TXNDC5: variants seen among roughly 807,000 people sequenced by gnomAD.
TXNDC5 encodes the protein thioredoxin domain containing 5.
A neutral mutation model predicts 52.6 loss-of-function variants in TXNDC5; 44 were observed. The ratio of observed to expected loss-of-function variants is 0.84; its 90% confidence interval spans 0.66 to 1.08. The LOEUF is 1.08. Ranked by LOEUF, TXNDC5 falls within the 50% of genes least tolerant of loss-of-function variation. The pLI, the probability that TXNDC5 is intolerant of heterozygous loss-of-function variation, is 0.00. For missense variants in TXNDC5, 600 were observed against 565.5 expected, an observed-to-expected ratio of 1.06 and a Z score of -0.62; for synonymous variants, 241 against 234.4, an observed-to-expected ratio of 1.03 and a Z score of -0.26.
In TXNDC5 at chr6:7,888,743, C is replaced by G; in HGVS notation, c.925G>C (p.Glu309Gln). The stretch of plus-strand genomic sequence containing the variant: ...GGCTCAGCTGCCAGCACCGGGGCCT[C>G]TGAGGGCGTGACGGTCTCCGTCGCT... ...TGATETVTPS[E>Q]APVLAAEPEA... is the part of the protein sequence containing the mutation. Residue 309 changes from glutamate to glutamine, a missense_variant, in exon 7 of 10, where the codon GAG becomes CAG. By Grantham distance (29) the Glu-to-Gln change is conservative. Coordinates refer to ENST00000379757, the MANE Select transcript of TXNDC5 (RefSeq NM_030810.5). 6.2e-7 allele frequency: 1 copy of G among 1,613,872 alleles called. No homozygotes were observed. Among genetic ancestry groups the G allele is most frequent in the Non-Finnish European group, 8.5e-7 (1 of 1,179,966 alleles).
chr6:7,902,894 TTGG>T (rs1366996432), intron 2 of TXNDC5, among the ~76,000 whole-genome samples: 1 of 152,238 alleles, frequency 6.6e-6, no homozygotes, highest in Non-Finnish European at 1.5e-5. Flanking sequence ...GTGATGGTTT[TTGG>T]TGAATACCAA....
At chr6:7,906,561 A>AAC (rs1760743187) in intron 1 of TXNDC5, among the ~76,000 whole-genome samples, 1 of 150,854 alleles carries the variant, frequency 6.6e-6, no homozygotes, top group Non-Finnish European at 1.5e-5. Flanking sequence ...AAAAAAAGAA[A>AAC]AACAGACTTA....
In TXNDC5 at chr6:7,910,323, TCCCGGCCCCGCGCC is replaced by T. The variant is rs1464851647; in HGVS notation, c.263+177_263+190del. On this transcript the variant is annotated intron_variant, in intron 1 of 9. Transcript: ENST00000379757. ...CCCCGAACCCGCAGGGTCCCCGCGCTCCCGGCCCCGCGCCCCCAGTATTACACCCCGCACCCCTG... is the reference window on the plus strand; with the variant it reads ...CCCCGAACCCGCAGGGTCCCCGCGCTCCCAGTATTACACCCCGCACCCCTG... 1.4e-4 allele frequency among the ~76,000 whole-genome samples: 19 copies of T among 139,218 alleles called. 1 individual carries two copies. Among genetic ancestry groups the T allele is most frequent in the Admixed American group, 1.1e-3 (15 of 14,188 alleles). 91.3% of individuals were successfully genotyped at this position (139,218 alleles called of 152,430 possible).
intron 5 of TXNDC5, among the ~76,000 whole-genome samples, 172 bp downstream of exon 5, chr6:7,891,449 A>C (rs9502657): frequency 0.049 from 7,499 of 152,160 alleles, 616 homozygotes; most frequent in African/African-American, 0.17. Flanking sequence ...AGCCAGCAAA[A>C]CTCAAAATCA....
intron 3 of TXNDC5, among the ~76,000 whole-genome samples, chr6:7,895,653 C>CTCG (rs1490611948): frequency 1.3e-5 from 2 of 152,212 alleles, no homozygotes; most frequent in African/African-American, 4.8e-5. Context: ...AGCGCAGTGG[C>CTCG]TCGTGCCTGT....
Position 7,895,090 on chromosome 6 carries a change from A to G in TXNDC5, c.616+16T>C. 2 of 1,612,168 alleles carry G rather than the reference A, an allele frequency of 1.2e-6. No individual in the cohort carries two copies. Among genetic ancestry groups the G allele is most frequent in the Non-Finnish European group, 8.5e-7 (1 of 1,179,102 alleles). On this transcript the variant is annotated intron_variant, in intron 4 of 9. Transcript: ENST00000379757. ...ATAGTGATTCTCTGAAGCTGGCATC[A>G]GGACGTCCCCCTTACCTTGTGCAAC...
Position 7,882,957 on chromosome 6 carries a change from C to T in TXNDC5, c.*187G>A. 2.9e-6 allele frequency: 2 copies of T among 690,364 alleles called. No homozygotes were observed. 42.8% of individuals were successfully genotyped at this position (690,364 alleles called of 1,614,324 possible). A position where few individuals can be genotyped will look rare whatever the true frequency, so the allele number is the denominator to read the frequency against. On this transcript the variant is annotated 3_prime_UTR_variant, in exon 10 of 10. Coordinates refer to ENST00000379757, the MANE Select transcript of TXNDC5 (RefSeq NM_030810.5). ...TGAGTTACACATTTACTTAGAGAAA[C>T]TTAACTTAATAAAGAATCTGTAGAG...
rs530694888 is a variant in TXNDC5 at position 7,899,780 on chromosome 6, G to A, written c.414-99C>T. On this transcript the variant is annotated intron_variant, in intron 2 of 9. Coordinates refer to ENST00000379757, the MANE Select transcript of TXNDC5 (RefSeq NM_030810.5). ...ACAATCAGAAAATGAGCTGTCAAGGGGCTGCAGCCAGGCATGTATCTGCTC... is the reference window on the plus strand; with the variant it reads ...ACAATCAGAAAATGAGCTGTCAAGGAGCTGCAGCCAGGCATGTATCTGCTC... 4 of 853,032 alleles carry A rather than the reference G, an allele frequency of 4.7e-6. No homozygotes were observed. The South Asian group carries it at 7.2e-5, about 15-fold the overall frequency. The allele number at this position is 853,032 out of a possible 1,614,324, so 52.8% of individuals were successfully genotyped here.
chr6:7,909,905 G>A (rs1358364516), intron 1 of TXNDC5: 3 of 985,950 alleles, frequency 3.0e-6, no homozygotes, highest in East Asian at 2.3e-4. Context: ...CAGCAGCAAG[G>A]CCGCTCTGGT....
chr6:7,888,515 C>T (rs1041523312), intron 7 of TXNDC5, among the ~76,000 whole-genome samples, 190 bp downstream of exon 7: 4 of 152,178 alleles, frequency 2.6e-5, no homozygotes, highest in Non-Finnish European at 5.9e-5. Context: ...TGTTTGCATT[C>T]GCCCCTGAAA....
rs1309967122 is a variant in TXNDC5, at chr6:7,883,133, C to T, written c.*11G>A. 2 of 1,613,980 alleles carry T rather than the reference C, an allele frequency of 1.2e-6. No homozygotes were observed. The highest frequency in any genetic ancestry group is 2.7e-5 in the African/African-American group (2 of 74,928). ...GGAGCTGGGCAGGAGAGGTGACCTCCAACTGTGTTCCTAAAGTTCGTCTTT... is the reference window on the plus strand; with the variant it reads ...GGAGCTGGGCAGGAGAGGTGACCTCTAACTGTGTTCCTAAAGTTCGTCTTT... On this transcript the variant is annotated 3_prime_UTR_variant, in exon 10 of 10. Transcript: ENST00000379757.
intron 1 of TXNDC5, among the ~76,000 whole-genome samples, chr6:7,906,535 C>CAAAAAAAAAAAAAAA (rs1207193194): frequency 4.7e-5 from 2 of 42,570 alleles, no homozygotes; most frequent in Non-Finnish European, 3.9e-5. Context: ...GACTCCATCT[C>CAAAAAAAAAAAAAAA]AAAAAAAAAA....
At position 7,895,342 on chromosome 6, in the gene TXNDC5, G is replaced by A. The variant is rs553953999; in HGVS notation, c.520-140C>T. Reference sequence around the variant, plus strand: ...CCTGGAACCCTTGTACGATGCTGCTGTGCTGAGTGAGGCCAGGTCAGGAAC... The same window carrying A: ...CCTGGAACCCTTGTACGATGCTGCTATGCTGAGTGAGGCCAGGTCAGGAAC... On this transcript the variant is annotated intron_variant, in intron 3 of 9. Coordinates refer to ENST00000379757, the MANE Select transcript of TXNDC5 (RefSeq NM_030810.5). 3.2e-4 allele frequency: 230 copies of A among 725,254 alleles called. 1 individual carries two copies. The South Asian group carries it at 4.2e-3, about 13-fold the overall frequency. The allele number at this position is 725,254 out of a possible 1,614,324, so 44.9% of individuals were successfully genotyped here.
Position 7,882,982 on chromosome 6 carries a change from G to C in TXNDC5, c.*162C>G. The C allele has an allele frequency of 1.2e-6, 1 of 842,480 alleles. No individual in the cohort carries two copies. 52.2% of individuals were successfully genotyped at this position (842,480 alleles called of 1,614,324 possible). A position where few individuals can be genotyped will look rare whatever the true frequency, so the allele number is the denominator to read the frequency against. On this transcript the variant is annotated 3_prime_UTR_variant, in exon 10 of 10. Coordinates refer to ENST00000379757, the MANE Select transcript of TXNDC5 (RefSeq NM_030810.5). ...CTTAACTTAATAAAGAATCTGTAGA[G>C]TGTGTTGGCTTGGAAAACACACACA...
intron 7 of TXNDC5, among the ~76,000 whole-genome samples, chr6:7,888,018 T>C (rs7745225): frequency 0.038 from 5,836 of 152,310 alleles, 208 homozygotes; most frequent in African/African-American, 0.095. Context: ...CCCCCTGCCA[T>C]TGGCTTGTGT....
At chr6:7,891,371 C>G (rs548762825) in intron 5 of TXNDC5, among the ~76,000 whole-genome samples, 116 of 152,208 alleles carry the variant, frequency 7.6e-4, no homozygotes, top group Middle Eastern at 3.4e-3. Context: ...GCTGCCAATT[C>G]AGATTTGGCC....
intron 8 of TXNDC5, 64 bp downstream of exon 8, chr6:7,885,897 C>A: frequency 6.6e-7 from 1 of 1,507,622 alleles, no homozygotes; most frequent in Admixed American, 1.7e-5. Context: ...GGCAGATGAG[C>A]TGAAAAACAT....
intron 9 of TXNDC5, among the ~76,000 whole-genome samples, chr6:7,883,860 A>G (rs1434707316): frequency 6.6e-6 from 1 of 152,236 alleles, no homozygotes; most frequent in Non-Finnish European, 1.5e-5. Flanking sequence ...AGACTGTGCT[A>G]ACAGCTTGGA....
intron 1 of TXNDC5, among the ~76,000 whole-genome samples, chr6:7,905,926 TTC>T (rs1760715066): frequency 6.6e-6 from 1 of 152,262 alleles, no homozygotes; most frequent in African/African-American, 2.4e-5. Context: ...TCCTTTTATT[TTC>T]TGACAGATTA....
Sources: allele counts gnomAD v4.1 joint callset (sites outside exome capture counted in the v4.1 genomes callset), GRCh38; gene constraint gnomAD v4.1.1; transcripts MANE v1.5; gene names NCBI Gene and HGNC (gene_info 2026-07-23, HGNC 2026-07-21).